The following MED12L variants were observed in gnomAD, a reference collection of about 807,000 sequenced individuals.
MED12L encodes mediator complex subunit 12L, also known as mediator of RNA polymerase II transcription subunit 12-like protein.
A neutral mutation model predicts 281.3 loss-of-function variants in MED12L; 60 were observed. That is an observed-to-expected ratio of 0.21 (90% CI 0.17 to 0.26). The LOEUF (loss-of-function observed/expected upper bound fraction) is 0.26, where lower values mean the gene tolerates loss of function less well. Among genes scored for constraint, MED12L ranks in the 10% least tolerant of loss-of-function variants. The pLI, the probability that MED12L is intolerant of heterozygous loss-of-function variation, is 1.00. For synonymous variants in MED12L, 974 were observed against 987.2 expected, an observed-to-expected ratio of 0.99 and a Z score of 0.25; for missense variants, 2,146 against 2,680.9, an observed-to-expected ratio of 0.80 and a Z score of 4.41.
intron 16 of MED12L, among the ~76,000 whole-genome samples, chr3:151,246,464 CCG>C (rs1735504956): frequency 2.0e-5 from 3 of 151,996 alleles, no homozygotes; most frequent in Non-Finnish European, 2.9e-5. Flanking sequence ...AGAAATAACG[CCG>C]CATATCTACA....
At chr3:151,254,261 G>T (rs540526870) in intron 16 of MED12L, among the ~76,000 whole-genome samples, 1 of 152,060 alleles carries the variant, frequency 6.6e-6, no homozygotes, top group Admixed American at 6.6e-5. Context: ...CACTGTGCAC[G>T]TTTCCCTTTA....
At chr3:151,249,454 A>T (rs1292941159) in intron 16 of MED12L, among the ~76,000 whole-genome samples, 2 of 152,122 alleles carry the variant, frequency 1.3e-5, no homozygotes, top group African/African-American at 2.4e-5. Context: ...AAAGCTGTTT[A>T]AGTAGGTGTT....
At position 151,236,503 on chromosome 3, in the gene MED12L, C is replaced by A. The variant is rs190482438; in HGVS notation, c.2250+42837C>A. On this transcript the variant is annotated intron_variant, in intron 16 of 44. Transcript: ENST00000687756. ...TCTCCTTCAGACTCAGTAACCAAAA[C>A]GAAAGCCAAGACCTTGACAGTAAGC... 1.3e-4 allele frequency among the ~76,000 whole-genome samples: 20 copies of A among 152,306 alleles called. 1 individual carries two copies. The highest frequency in any genetic ancestry group is 9.8e-4 in the Admixed American group (15 of 15,298).
intron 39 of MED12L, among the ~76,000 whole-genome samples, chr3:151,400,114 A>G (rs1005947439): frequency 1.3e-5 from 2 of 152,080 alleles, no homozygotes; most frequent in Admixed American, 6.5e-5. Flanking sequence ...GGCGCGAGCC[A>G]CCGCGCCAGG....
chr3:151,263,711 A>G (rs1739313763), intron 16 of MED12L, among the ~76,000 whole-genome samples: 1 of 152,160 alleles, frequency 6.6e-6, no homozygotes, highest in South Asian at 2.1e-4. Context: ...TTAATGTAAT[A>G]TAGAGATTAA....
chr3:151,247,263 G>A (rs900367743), intron 16 of MED12L, among the ~76,000 whole-genome samples: 9 of 152,090 alleles, frequency 5.9e-5, no homozygotes, highest in African/African-American at 1.9e-4. Context: ...CCATTACTGG[G>A]TATATACCCA....
chr3:151,343,568 C>T (rs188278239), intron 16 of MED12L, among the ~76,000 whole-genome samples: 20 of 152,254 alleles, frequency 1.3e-4, no homozygotes, highest in African/African-American at 4.8e-4. Flanking sequence ...AGTATATTTT[C>T]ATATGAATAG....
chr3:151,334,662 G>A (rs1268237849), intron 16 of MED12L, among the ~76,000 whole-genome samples: 1 of 151,994 alleles, frequency 6.6e-6, no homozygotes, highest in Non-Finnish European at 1.5e-5. Context: ...ACCACGCCCA[G>A]CTAATTTTTA....
At chr3:151,174,041 T>C (rs906470987) in intron 11 of MED12L, among the ~76,000 whole-genome samples, 2 of 152,212 alleles carry the variant, frequency 1.3e-5, no homozygotes, top group Non-Finnish European at 2.9e-5. Context: ...TTTAGGAGTT[T>C]AGACTTTTTT....
At chr3:151,162,112 A>G (rs1464255878) in intron 8 of MED12L, among the ~76,000 whole-genome samples, 2 of 152,202 alleles carry the variant, frequency 1.3e-5, no homozygotes, top group Non-Finnish European at 2.9e-5. Context: ...ATATATTTTG[A>G]TGGGCAGATT....
In MED12L at chr3:151,268,105, ACTT is replaced by A. The variant is rs370142438; in HGVS notation, c.2250+74443_2250+74445del. On this transcript the variant is annotated intron_variant, in intron 16 of 44. Coordinates refer to ENST00000687756, the MANE Select transcript of MED12L (RefSeq NM_001393769.1). The stretch of plus-strand genomic sequence containing the variant: ...GTGGTAGTCTTTAAACAGTGGGAAT[ACTT>A]CTTTTTATGTTTTCAGCTTACATGT... Among the ~76,000 whole-genome samples, 13 of 152,216 alleles carry A rather than the reference ACTT, an allele frequency of 8.5e-5. No individual in the cohort carries two copies. In the South Asian group the frequency reaches 2.7e-3, roughly 32 times the overall value.
At chr3:151,269,723 A>G (rs753082864) in intron 16 of MED12L, 18 of 422,546 alleles carry the variant, frequency 4.3e-5, no homozygotes, top group African/African-American at 3.6e-4. Flanking sequence ...TAGTTTGAAA[A>G]TAAAGTTCTC....
intron 16 of MED12L, among the ~76,000 whole-genome samples, chr3:151,236,213 C>A (rs1246304805): frequency 6.6e-6 from 1 of 152,162 alleles, no homozygotes. Context: ...CTTACTTATA[C>A]AACTTTGGTC....
chr3:151,400,363 CA>C lies in MED12L; in HGVS notation c.5820+5497del, dbSNP rs148606844. Reference sequence around the variant, plus strand: ...AAGATATGTTTAGCTTGAATTGATTCAGACAAATTGGTTAAAAAATGCACTT... The same window carrying C: ...AAGATATGTTTAGCTTGAATTGATTCGACAAATTGGTTAAAAAATGCACTT... On this transcript the variant is annotated intron_variant, in intron 39 of 44. Coordinates refer to ENST00000687756, the MANE Select transcript of MED12L (RefSeq NM_001393769.1). Among the ~76,000 whole-genome samples, 621 of 152,258 alleles carry C rather than the reference CA, an allele frequency of 4.1e-3. 4 individuals are homozygous for C. Among genetic ancestry groups the C allele is most frequent in the African/African-American group, 0.013 (541 of 41,546 alleles).
Position 151,413,289 on chromosome 3 carries a change from C to T in MED12L, c.6291C>T (p.Leu2097=), listed in dbSNP as rs2276763. 0.047 allele frequency: 76,341 copies of T among 1,613,958 alleles called. 3,274 individuals are homozygous for T. Among genetic ancestry groups the T allele is most frequent in the Middle Eastern group, 0.2 (1,206 of 6,062 alleles). The part of the protein sequence containing the change: ...RQPQVRQQQR[L]LQMQQPQQPQ... ...CGCAAGTTCGACAGCAGCAGAGACT[C>T]CTCCAGGTACGGGGCAGGGAGATGA... is the stretch of plus-strand genomic sequence containing the variant. The change falls in exon 42 of 45, where the codon CTC becomes CTT. Residue 2097 remains leucine, a synonymous_variant. Coordinates refer to ENST00000687756, the MANE Select transcript of MED12L (RefSeq NM_001393769.1).
intron 38 of MED12L, among the ~76,000 whole-genome samples, chr3:151,393,871 A>G (rs1006260972): frequency 3.3e-5 from 5 of 152,202 alleles, no homozygotes; most frequent in Non-Finnish European, 7.3e-5. Context: ...AAAAGATAAA[A>G]CAACTTTTGT....
chr3:151,174,428 T>C (rs192890721), intron 11 of MED12L, among the ~76,000 whole-genome samples: 1 of 152,300 alleles, frequency 6.6e-6, no homozygotes, highest in East Asian at 1.9e-4. Flanking sequence ...ATGACAAACC[T>C]AAGTAAAAAA....
chr3:151,271,896 G>T (rs1741019364), intron 16 of MED12L, among the ~76,000 whole-genome samples: 1 of 152,120 alleles, frequency 6.6e-6, no homozygotes, highest in Non-Finnish European at 1.5e-5. Context: ...TTTTTGTGAT[G>T]GAAATACTAT....
intron 2 of MED12L, among the ~76,000 whole-genome samples, chr3:151,093,070 C>T (rs912792698): frequency 6.6e-6 from 1 of 152,094 alleles, no homozygotes; most frequent in African/African-American, 2.4e-5. Context: ...CTTTGGGAGA[C>T]CAAGGCTGGA....
Sources: gnomAD v4.1 joint callset for allele counts (sites outside exome capture counted in the v4.1 genomes callset) on GRCh38, gnomAD v4.1.1 for gene constraint, MANE v1.5 for transcripts, NCBI Gene and HGNC (gene_info 2026-07-23, HGNC 2026-07-21) for gene names.